ANO4: variants seen among roughly 807,000 people sequenced by gnomAD.
ANO4 encodes the protein anoctamin 4, also known as anoctamin-4.
Under a neutral mutation model 141.9 loss-of-function variants are expected in ANO4, and 69 were observed. That is an observed-to-expected ratio of 0.49 (90% CI 0.40 to 0.59). The LOEUF is 0.59. ANO4 is among the 20% of genes least tolerant of loss of function. The pLI, the probability that ANO4 is intolerant of heterozygous loss-of-function variation, is 0.00. For synonymous variants in ANO4, 350 were observed against 394.3 expected (o/e 0.89, Z 1.33); for missense variants, 894 against 1,162.2 (o/e 0.77, Z 3.36).
chr12:100,907,054 C>A (rs1431730281), intron 2 of ANO4, among the ~76,000 whole-genome samples: 4 of 152,120 alleles, frequency 2.6e-5, no homozygotes, highest in Admixed American at 2.6e-4. Context: ...CTCTCAGACA[C>A]CAAGGTTCTC....
At chr12:100,957,478 A>G (rs974440323) in intron 5 of ANO4, among the ~76,000 whole-genome samples, 3 of 152,244 alleles carry the variant, frequency 2.0e-5, no homozygotes, top group Admixed American at 2.0e-4. Context: ...GTGGAGACAA[A>G]CAAACCATAT....
chr12:100,724,691 A>G (rs544936436), intron 1 of ANO4, among the ~76,000 whole-genome samples: 1 of 152,280 alleles, frequency 6.6e-6, no homozygotes, highest in South Asian at 2.1e-4. Context: ...TCTACCTAGG[A>G]CCAGCCTGTG....
chr12:100,722,216 C>A (rs2030899547), intron 1 of ANO4, among the ~76,000 whole-genome samples: 1 of 152,148 alleles, frequency 6.6e-6, no homozygotes, highest in South Asian at 2.1e-4. Flanking sequence ...TTCTCCTTGC[C>A]CTGCCCTCTG....
At chr12:100,790,391 A>G (rs1307696985), upstream of ANO4, among the ~76,000 whole-genome samples, 1 of 152,232 alleles carries the variant, frequency 6.6e-6, no homozygotes, top group African/African-American at 2.4e-5. Flanking sequence ...AGGAGAGTTT[A>G]GAAACCATTA....
chr12:100,965,755 G>A (rs2043626413), intron 5 of ANO4, among the ~76,000 whole-genome samples: 1 of 151,860 alleles, frequency 6.6e-6, no homozygotes, highest in Non-Finnish European at 1.5e-5. Context: ...CAGATTTCAG[G>A]ATAAAAGTCA....
At chr12:101,069,180 C>A in intron 14 of ANO4, 1 of 1,282,414 alleles carries the variant, frequency 7.8e-7, no homozygotes. Flanking sequence ...ATAAAACATG[C>A]GAGGAACAGT....
intron 1 of ANO4, among the ~76,000 whole-genome samples, chr12:100,862,588 C>T (rs2038540584): frequency 6.6e-6 from 1 of 151,908 alleles, no homozygotes; most frequent in South Asian, 2.1e-4. Flanking sequence ...TCCCAAAGTG[C>T]TGGGATTACA....
intron 3 of ANO4, among the ~76,000 whole-genome samples, chr12:100,764,825 T>G (rs1363439814): frequency 1.3e-5 from 2 of 152,180 alleles, no homozygotes; most frequent in Non-Finnish European, 2.9e-5. Flanking sequence ...GACTTGATCA[T>G]GGTGTATAAT....
rs1490104165 is a variant in ANO4 at position 101,062,563 on chromosome 12, TC to T, written c.1312+14163del. 9.2e-5 allele frequency among the ~76,000 whole-genome samples: 14 copies of T among 152,322 alleles called. No homozygotes were observed. The East Asian group carries it at 2.7e-3, about 29-fold the overall frequency. On this transcript the variant is annotated intron_variant, in intron 14 of 27. Transcript: ENST00000392977. ...AGCCCCTGACTGGGGCTGCTGCCTTTCTTTCAGGGATGCCCTGCCCAGGGAG... is the reference window on the plus strand; with the variant it reads ...AGCCCCTGACTGGGGCTGCTGCCTTTTTTCAGGGATGCCCTGCCCAGGGAG...
intron 8 of ANO4, among the ~76,000 whole-genome samples, chr12:101,018,569 G>A (rs536416484): frequency 2.0e-5 from 3 of 151,868 alleles, no homozygotes; most frequent in Non-Finnish European, 4.4e-5. Flanking sequence ...ACTCTTTCTC[G>A]AGGCCAATTT....
At chr12:100,984,071 C>T (rs1171012379) in intron 7 of ANO4, among the ~76,000 whole-genome samples, 2 of 152,076 alleles carry the variant, frequency 1.3e-5, no homozygotes, top group Non-Finnish European at 2.9e-5. Flanking sequence ...CCCTCCAGCC[C>T]CCATGCCCAA....
intron 25 of ANO4, among the ~76,000 whole-genome samples, chr12:101,117,173 T>C (rs4764780): frequency 0.19 from 28,693 of 152,212 alleles, 2,836 homozygotes; most frequent in Admixed American, 0.26. Context: ...TGCTTCTCTC[T>C]CTTGCCCAGA....
chr12:100,846,712 G>C (rs955212416), intron 1 of ANO4, among the ~76,000 whole-genome samples: 1 of 152,062 alleles, frequency 6.6e-6, no homozygotes, highest in Admixed American at 6.6e-5. Context: ...TCGATACTGT[G>C]CATAGGTATC....
intron 1 of ANO4, among the ~76,000 whole-genome samples, chr12:100,802,697 A>C (rs941676489): frequency 6.6e-6 from 1 of 152,174 alleles, no homozygotes; most frequent in Non-Finnish European, 1.5e-5. Context: ...GCCTTCATGG[A>C]GCTAACATTC....
intron 3 of ANO4, among the ~76,000 whole-genome samples, chr12:100,935,560 G>A (rs1430188164): frequency 6.6e-6 from 1 of 152,148 alleles, no homozygotes; most frequent in Non-Finnish European, 1.5e-5. Context: ...AGAAGTCTAA[G>A]GAAGGTGATG....
At chr12:100,979,895 C>CTTTTT (rs71091474) in intron 7 of ANO4, among the ~76,000 whole-genome samples, 19,760 of 118,156 alleles carry the variant, frequency 0.17, 1,578 homozygotes, top group Middle Eastern at 0.25. Context: ...GCCCAGCTGA[C>CTTTTT]TTTTTTTTTT....
At chr12:100,985,704 G>A (rs2044678955) in intron 7 of ANO4, among the ~76,000 whole-genome samples, 1 of 152,142 alleles carries the variant, frequency 6.6e-6, no homozygotes, top group African/African-American at 2.4e-5. Context: ...ATTCTTTTCA[G>A]TTTGACCCTT....
At chr12:100,800,932 C>T (rs999386820) in intron 1 of ANO4, among the ~76,000 whole-genome samples, 6 of 152,228 alleles carry the variant, frequency 3.9e-5, no homozygotes, top group Non-Finnish European at 5.9e-5. Flanking sequence ...ATTTCCTCTT[C>T]TCTCTTCAGA....
intron 14 of ANO4, among the ~76,000 whole-genome samples, chr12:101,067,497 C>A (rs2048641391): frequency 6.6e-6 from 1 of 152,196 alleles, no homozygotes; most frequent in Non-Finnish European, 1.5e-5. Context: ...GCCTAGGCAA[C>A]ATCATGAGAC....
Sources: allele counts gnomAD v4.1 joint callset (sites outside exome capture counted in the v4.1 genomes callset), GRCh38; gene constraint gnomAD v4.1.1; transcripts MANE v1.5; gene names NCBI Gene and HGNC (gene_info 2026-07-23, HGNC 2026-07-21).